Variants in SENP7 observed in about 807,000 individuals in gnomAD.
The protein encoded by SENP7 is sentrin-specific protease 7.
SENP7 carries 64 observed loss-of-function variants against 141.2 expected under a neutral mutation model. That is an observed-to-expected ratio of 0.45 (90% CI 0.37 to 0.56). The LOEUF is 0.56. Among genes scored for constraint, SENP7 ranks in the 20% least tolerant of loss-of-function variants. The probability of loss-of-function intolerance (pLI) is 0.00; values close to 1 mark genes in which losing one functional copy is unlikely to be tolerated. For missense variants in SENP7, 1,025 were observed against 1,212.2 expected, an observed-to-expected ratio of 0.85 and a Z score of 2.29; for synonymous variants, 382 against 426.4, an observed-to-expected ratio of 0.90 and a Z score of 1.28.
chr3:101,370,191 G>A (rs2060139085), intron 7 of SENP7, among the ~76,000 whole-genome samples: 2 of 152,168 alleles, frequency 1.3e-5, no homozygotes, highest in South Asian at 4.1e-4. Context: ...ACTCTTCCCT[G>A]ATGCATGTCT....
chr3:101,470,895 T>A (rs1252292317), intron 3 of SENP7, among the ~76,000 whole-genome samples: 2 of 152,152 alleles, frequency 1.3e-5, no homozygotes, highest in African/African-American at 2.4e-5. Flanking sequence ...TGAACTCCCA[T>A]TCACAATTGC....
In SENP7 at chr3:101,366,499, T is replaced by C. The variant is rs1377221508; in HGVS notation, c.1249A>G (p.Asn417Asp). 6.2e-7 allele frequency: 1 copy of C among 1,613,882 alleles called. No individual in the cohort carries two copies. Among genetic ancestry groups the C allele is most frequent in the South Asian group, 1.1e-5 (1 of 91,074 alleles). Reference protein sequence around the residue: ...SLVEKDENELNTIEKPILRGH... With the variant: ...SLVEKDENELDTIEKPILRGH... ...CTTAGAATAGGCTTTTCTATGGTATTCAACTCATTCTCATCCTTCTCAACC... is the reference window on the plus strand; with the variant it reads ...CTTAGAATAGGCTTTTCTATGGTATCCAACTCATTCTCATCCTTCTCAACC... Residue 417 changes from asparagine to aspartate, a missense_variant, in exon 9 of 24, where the codon AAT becomes GAT. Physicochemically the swap from Asn to Asp is conservative, Grantham distance 23. Transcript: ENST00000394095.
intron 4 of SENP7, among the ~76,000 whole-genome samples, chr3:101,454,281 G>A (rs961031983): frequency 1.3e-5 from 2 of 152,256 alleles, no homozygotes; most frequent in Non-Finnish European, 1.5e-5. Context: ...GGAGGCCAAG[G>A]TGGGTAGATC....
Position 101,445,699 on chromosome 3 carries a change from T to C in SENP7, c.284+13256A>G, listed in dbSNP as rs769628772. 1.1e-4 allele frequency among the ~76,000 whole-genome samples: 17 copies of C among 152,076 alleles called. No individual in the cohort carries two copies. In the East Asian group the frequency reaches 3.3e-3, roughly 29 times the overall value. ...AAAGTGAAGGGATAAAAAATATATA[T>C]ATCACACAAATGAAAACAAAACATA... On this transcript the variant is annotated intron_variant, in intron 4 of 23. Transcript: ENST00000394095.
chr3:101,479,595 T>G, intron 3 of SENP7, among the ~76,000 whole-genome samples: 1 of 144,836 alleles, frequency 6.9e-6, no homozygotes, highest in African/African-American at 2.5e-5. Flanking sequence ...GGTGACAGAG[T>G]GAAACTGTGT....
intron 7 of SENP7, among the ~76,000 whole-genome samples, chr3:101,369,433 T>A (rs56118555): frequency 0.024 from 3,621 of 152,254 alleles, 145 homozygotes; most frequent in African/African-American, 0.082. Flanking sequence ...TGACATTACT[T>A]AAAGGAAGGC....
chr3:101,348,399 C>G (rs571322754), intron 12 of SENP7, among the ~76,000 whole-genome samples: 9 of 152,050 alleles, frequency 5.9e-5, no homozygotes, highest in Non-Finnish European at 8.8e-5. Flanking sequence ...GGAGAGAATT[C>G]TCTCCAGGAA....
chr3:101,325,598 AGTC>A lies in SENP7; in HGVS notation c.*342_*344del. 6.5e-6 allele frequency: 1 copy of A among 154,138 alleles called. No individual in the cohort carries two copies. Among genetic ancestry groups the A allele is most frequent in the South Asian group, 2.1e-4 (1 of 4,850 alleles). The allele number at this position is 154,138 out of a possible 1,614,324, so 9.5% of individuals were successfully genotyped here. A position where few individuals can be genotyped will look rare whatever the true frequency, so the allele number is the denominator to read the frequency against. ...GAGGCTTTAACTCCCCTCAGCACCCAGTCACGTGGAAGTACAGATCATGTAAGT... is the reference window on the plus strand; with the variant it reads ...GAGGCTTTAACTCCCCTCAGCACCCAACGTGGAAGTACAGATCATGTAAGT... On this transcript the variant is annotated 3_prime_UTR_variant, in exon 24 of 24. Transcript: ENST00000394095.
intron 2 of SENP7, among the ~76,000 whole-genome samples, chr3:101,495,218 C>G (rs1349676315): frequency 6.6e-6 from 1 of 152,096 alleles, no homozygotes; most frequent in Non-Finnish European, 1.5e-5. Context: ...TCACACCACT[C>G]AGAATGGCTA....
At chr3:101,499,929 AT>A (rs1319726124) in intron 2 of SENP7, among the ~76,000 whole-genome samples, 1 of 151,946 alleles carries the variant, frequency 6.6e-6, no homozygotes, top group Non-Finnish European at 1.5e-5. Context: ...TCAGCACAAG[AT>A]TTTTTTTAAC....
intron 4 of SENP7, among the ~76,000 whole-genome samples, chr3:101,445,964 G>C (rs1444832323): frequency 6.6e-6 from 1 of 152,132 alleles, no homozygotes; most frequent in Non-Finnish European, 1.5e-5. Flanking sequence ...CCTCTTATAT[G>C]GTTTGGGTCT....
At chr3:101,331,189 T>C (rs2059039204) in intron 19 of SENP7, among the ~76,000 whole-genome samples, 2 of 152,240 alleles carry the variant, frequency 1.3e-5, no homozygotes, top group Admixed American at 6.5e-5. Flanking sequence ...TTTCAAAATA[T>C]CATGTTGTAG....
intron 3 of SENP7, among the ~76,000 whole-genome samples, chr3:101,466,737 C>G (rs763159230): frequency 5.9e-5 from 9 of 152,162 alleles, no homozygotes; most frequent in Non-Finnish European, 7.3e-5. Context: ...TAAATAGGAA[C>G]AGCTCCAGTC....
intron 4 of SENP7, among the ~76,000 whole-genome samples, chr3:101,449,476 C>T (rs961421224): frequency 6.6e-6 from 1 of 152,156 alleles, no homozygotes; most frequent in South Asian, 2.1e-4. Context: ...AGAGGAAGGT[C>T]GGGTTACCCA....
intron 5 of SENP7, among the ~76,000 whole-genome samples, chr3:101,402,065 G>A (rs2061161224): frequency 6.6e-6 from 1 of 151,726 alleles, no homozygotes; most frequent in South Asian, 2.1e-4. Flanking sequence ...AAGTACTGAT[G>A]GAGAAGCTGC....
intron 4 of SENP7, among the ~76,000 whole-genome samples, chr3:101,450,736 C>T (rs1308846946): frequency 6.6e-6 from 1 of 152,134 alleles, no homozygotes; most frequent in Non-Finnish European, 1.5e-5. Context: ...AAATTTATAG[C>T]ACTAAATGCT....
Position 101,469,595 on chromosome 3 carries a change from C to T in SENP7, c.187-10543G>A, listed in dbSNP as rs1172360852. On this transcript the variant is annotated intron_variant, in intron 3 of 23. Transcript: ENST00000394095. ...ATCCCAGCACTTTGGGAGGCCGAGG[C>T]GGGTGGATCATGAGGTCAGGAGATC... is the stretch of plus-strand genomic sequence containing the variant. Among the ~76,000 whole-genome samples, 3 of 116,130 alleles carry T rather than the reference C, an allele frequency of 2.6e-5. 1 individual carries two copies. Among genetic ancestry groups the T allele is most frequent in the African/African-American group, 5.9e-5 (2 of 33,746 alleles). 76.2% of individuals were successfully genotyped at this position (116,130 alleles called of 152,430 possible).
chr3:101,454,157 A>G (rs2063262917), intron 4 of SENP7, among the ~76,000 whole-genome samples: 1 of 152,234 alleles, frequency 6.6e-6, no homozygotes, highest in South Asian at 2.1e-4. Flanking sequence ...AAGTTAAACA[A>G]TATTAATGCA....
At chr3:101,451,835 TC>T (rs1267440434) in intron 4 of SENP7, among the ~76,000 whole-genome samples, 1 of 152,138 alleles carries the variant, frequency 6.6e-6, no homozygotes. Flanking sequence ...CCACTCCTAT[TC>T]AACATTGTGT....
Sources: allele counts gnomAD v4.1 joint callset (sites outside exome capture counted in the v4.1 genomes callset), GRCh38; gene constraint gnomAD v4.1.1; transcripts MANE v1.5; gene names NCBI Gene and HGNC (gene_info 2026-07-23, HGNC 2026-07-21).